Variants in KIF26B observed in about 807,000 individuals in gnomAD.
KIF26B encodes the protein kinesin family member 26B, also known as kinesin-like protein KIF26B.
A neutral mutation model predicts 151.2 loss-of-function variants in KIF26B; 63 were observed. The ratio of observed to expected loss-of-function variants is 0.42; its 90% CI spans 0.34 to 0.51. The LOEUF (loss-of-function observed/expected upper bound fraction) is 0.51. Among genes scored for constraint, KIF26B ranks in the 20% least tolerant of loss-of-function variants. The probability of loss-of-function intolerance (pLI) is 0.07; values close to 1 mark genes in which losing one functional copy is unlikely to be tolerated. For missense variants in KIF26B, 2,813 were observed against 2,913.6 expected (o/e 0.97, Z 0.79); for synonymous variants, 1,357 against 1,262.1 (o/e 1.08, Z -1.59).
chr1:245,628,276 A>G (rs1174911723), intron 9 of KIF26B, among the ~76,000 whole-genome samples: 1 of 152,210 alleles, frequency 6.6e-6, no homozygotes, highest in Non-Finnish European at 1.5e-5. Flanking sequence ...TGAGGTCAGG[A>G]GTTCGAGACC....
chr1:245,556,349 C>CCTCCTCCTCCCTCCCTT (rs1474875197), intron 5 of KIF26B, among the ~76,000 whole-genome samples: 2 of 108,260 alleles, frequency 1.8e-5, no homozygotes, highest in African/African-American at 7.2e-5. Context: ...CTTCCTCCCT[C>CCTCCTCCTCCCTCCCTT]CTCCTCCTCC....
chr1:245,474,267 T>C (rs1220033746), intron 4 of KIF26B, among the ~76,000 whole-genome samples: 2 of 147,732 alleles, frequency 1.4e-5, no homozygotes, highest in Non-Finnish European at 3.0e-5. Context: ...CGCCACCACA[T>C]CTGGCTAATT....
chr1:245,210,746 G>T (rs929701903), intron 2 of KIF26B, among the ~76,000 whole-genome samples: 3 of 152,084 alleles, frequency 2.0e-5, no homozygotes. Flanking sequence ...TGTGTGGGGA[G>T]ATCAGCCAGT....
At chr1:245,412,619 G>A (rs968721549) in intron 3 of KIF26B, among the ~76,000 whole-genome samples, 5 of 152,196 alleles carry the variant, frequency 3.3e-5, no homozygotes, top group Admixed American at 6.5e-5. Flanking sequence ...AGAGCCACAC[G>A]TCTTTTATCT....
intron 2 of KIF26B, among the ~76,000 whole-genome samples, chr1:245,295,965 G>A (rs1671329338): frequency 1.3e-5 from 2 of 152,068 alleles, no homozygotes; most frequent in Non-Finnish European, 2.9e-5. Flanking sequence ...GAACTTATGT[G>A]GACACTTCTC....
intron 14 of KIF26B, among the ~76,000 whole-genome samples, chr1:245,701,702 T>A (rs569838335): frequency 6.6e-6 from 1 of 152,344 alleles, no homozygotes; most frequent in South Asian, 2.1e-4. Flanking sequence ...TATTCTCACA[T>A]GCCTTTAAAG....
intron 4 of KIF26B, among the ~76,000 whole-genome samples, chr1:245,477,003 C>A (rs1461516537): frequency 6.6e-6 from 1 of 151,676 alleles, no homozygotes; most frequent in Non-Finnish European, 1.5e-5. Context: ...GAGGAGAGGT[C>A]AAGGGTGGAA....
chr1:245,339,839 T>C (rs1021622666), intron 2 of KIF26B, among the ~76,000 whole-genome samples: 1 of 152,206 alleles, frequency 6.6e-6, no homozygotes, highest in Non-Finnish European at 1.5e-5. Context: ...ATTTACTGAG[T>C]GTGGATTATG....
At chr1:245,422,160 G>A (rs894826652) in intron 4 of KIF26B, among the ~76,000 whole-genome samples, 2 of 152,102 alleles carry the variant, frequency 1.3e-5, no homozygotes, top group African/African-American at 4.8e-5. Flanking sequence ...TGCAGTGAAC[G>A]CTGATAGTAC....
At chr1:245,215,281 C>A (rs941463466) in intron 2 of KIF26B, among the ~76,000 whole-genome samples, 2 of 152,106 alleles carry the variant, frequency 1.3e-5, no homozygotes, top group African/African-American at 4.8e-5. Context: ...AGCCAGGTGC[C>A]CTCCAGCCAG....
At chr1:245,274,064 A>G (rs999360493) in intron 2 of KIF26B, among the ~76,000 whole-genome samples, 14 of 152,310 alleles carry the variant, frequency 9.2e-5, no homozygotes, top group Admixed American at 6.5e-4. Flanking sequence ...GGGATTACAT[A>G]AAACATTTTA....
chr1:245,579,959 C>T (rs190790324), intron 5 of KIF26B, among the ~76,000 whole-genome samples: 3 of 152,130 alleles, frequency 2.0e-5, no homozygotes, highest in Non-Finnish European at 4.4e-5. Flanking sequence ...GTCAAGGAGA[C>T]GTGAGCATTC....
intron 4 of KIF26B, among the ~76,000 whole-genome samples, chr1:245,536,863 G>A (rs534941234): frequency 1.5e-4 from 23 of 152,130 alleles, no homozygotes; most frequent in Non-Finnish European, 2.6e-4. Context: ...TGGAAGCTGC[G>A]TTCCCACGGT....
chr1:245,388,689 C>G (rs976218044), intron 3 of KIF26B, among the ~76,000 whole-genome samples: 4 of 152,196 alleles, frequency 2.6e-5, no homozygotes, highest in African/African-American at 9.7e-5. Context: ...AACAGCCCTT[C>G]TCCCATAGCC....
intron 4 of KIF26B, among the ~76,000 whole-genome samples, chr1:245,435,030 CCCATTCATCCATCCATCCATCTCTCCAT>C (rs1658874098): frequency 7.7e-6 from 1 of 130,302 alleles, no homozygotes; most frequent in African/African-American, 2.9e-5. Context: ...TCTCCATCCA[CCCATTCATCCATCCATCCATCTCTCCAT>C]CCATCCATCC....
intron 3 of KIF26B, among the ~76,000 whole-genome samples, chr1:245,414,404 G>A (rs1674367892): frequency 6.6e-6 from 1 of 152,206 alleles, no homozygotes; most frequent in African/African-American, 2.4e-5. Context: ...GAACCGGCTG[G>A]AGGTGGGAAG....
At chr1:245,522,017 C>G (rs1211723653) in intron 4 of KIF26B, among the ~76,000 whole-genome samples, 3 of 151,570 alleles carry the variant, frequency 2.0e-5, no homozygotes, top group Non-Finnish European at 4.4e-5. Context: ...CTACAGGCAC[C>G]CGCCACCATG....
intron 6 of KIF26B, among the ~76,000 whole-genome samples, chr1:245,604,267 T>C (rs1450540744): frequency 1.3e-5 from 2 of 152,182 alleles, no homozygotes; most frequent in African/African-American, 2.4e-5. Context: ...ACAGTGCGAA[T>C]AGTTACCATT....
chr1:245,643,006 T>C (rs546324955), intron 9 of KIF26B, among the ~76,000 whole-genome samples: 5 of 152,216 alleles, frequency 3.3e-5, no homozygotes, highest in Non-Finnish European at 7.3e-5. Flanking sequence ...GATAGGTCTT[T>C]GACTGTCTTC....
Sources: gnomAD v4.1 joint callset for allele counts (sites outside exome capture counted in the v4.1 genomes callset) on GRCh38, gnomAD v4.1.1 for gene constraint, MANE v1.5 for transcripts, NCBI Gene and HGNC (gene_info 2026-07-23, HGNC 2026-07-21) for gene names.